Variants in UNC5B observed in about 807,000 individuals in gnomAD.
UNC5B encodes the protein unc-5 netrin receptor B, also known as netrin receptor UNC5B.
A neutral mutation model predicts 103.7 loss-of-function variants in UNC5B; 56 were observed. That is an observed-to-expected ratio of 0.54 (90% CI 0.44 to 0.67). The LOEUF is 0.67. Among genes scored for constraint, UNC5B ranks in the 30% least tolerant of loss-of-function variants. The pLI, the probability that UNC5B is intolerant of heterozygous loss-of-function variation, is 0.00. For missense variants in UNC5B, 1,194 were observed against 1,284.5 expected, an observed-to-expected ratio of 0.93 and a Z score of 1.08; for synonymous variants, 577 against 542.0, an observed-to-expected ratio of 1.06 and a Z score of -0.90.
intron 1 of UNC5B, among the ~76,000 whole-genome samples, chr10:71,269,746 A>C (rs1306277174): frequency 2.0e-5 from 3 of 152,084 alleles, no homozygotes; most frequent in African/African-American, 7.2e-5. Flanking sequence ...GCAAGCTTAC[A>C]AACACATACA....
chr10:71,286,940 G>A, intron 5 of UNC5B, 71 bp downstream of exon 5: 3 of 1,566,522 alleles, frequency 1.9e-6, no homozygotes, highest in South Asian at 2.4e-5. Flanking sequence ...GGGTAGGGGG[G>A]ACCCCTGGAT....
Position 71,299,773 on chromosome 10 carries a change from A to G in UNC5B, c.*496A>G, listed in dbSNP as rs1389554141. On this transcript the variant is annotated 3_prime_UTR_variant, in exon 17 of 17. Transcript: ENST00000335350. ...AAACTGCTTTCTCCTGTCCAAAAGC[A>G]AAAAGGCAAAGGAAAGAAAGAAAGC... 1 of 152,790 alleles carries G rather than the reference A, an allele frequency of 6.5e-6. No homozygotes were observed. The highest frequency in any genetic ancestry group is 1.5e-5 in the Non-Finnish European group (1 of 68,432). 9.5% of individuals were successfully genotyped at this position (152,790 alleles called of 1,614,324 possible).
At chr10:71,251,253 G>A (rs7078748) in intron 1 of UNC5B, among the ~76,000 whole-genome samples, 66,893 of 152,006 alleles carry the variant, frequency 0.44, 15,030 homozygotes, top group Middle Eastern at 0.5. Context: ...GGTAAGGAAG[G>A]TAGAATCTTC....
intron 1 of UNC5B, among the ~76,000 whole-genome samples, chr10:71,252,081 G>A (rs1035108410): frequency 1.3e-5 from 2 of 152,206 alleles, no homozygotes; most frequent in East Asian, 3.8e-4. Context: ...CCAAATGCCT[G>A]TGCTTTAAAA....
At chr10:71,281,911 C>T (rs553907351) in intron 2 of UNC5B, among the ~76,000 whole-genome samples, 31 of 152,326 alleles carry the variant, frequency 2.0e-4, no homozygotes, top group African/African-American at 7.0e-4. Flanking sequence ...TTCTCTCAAA[C>T]GGTCCTTACC....
At position 71,291,817 on chromosome 10, in the gene UNC5B, C is replaced by T. The variant is rs1845272628; in HGVS notation, c.1680C>T (p.Gly560=). Residue 560 remains glycine (G), a synonymous_variant, in exon 10 of 17, where the codon GGC becomes GGT. Transcript: ENST00000335350. ...GCLGGRLSIP[G]TGVSLLVPNG... ...TGGGTGGGAGGCTCAGCATCCCCGG[C>T]ACAGGTGAGCCCCTGCCCTGCTTGT... The T allele has an allele frequency of 6.3e-7, 1 of 1,592,826 alleles. No homozygotes were observed. The highest frequency in any genetic ancestry group is 8.5e-7 in the Non-Finnish European group (1 of 1,175,122).
At chr10:71,243,987 T>C (rs1227482007) in intron 1 of UNC5B, among the ~76,000 whole-genome samples, 1 of 152,200 alleles carries the variant, frequency 6.6e-6, no homozygotes, top group Non-Finnish European at 1.5e-5. Flanking sequence ...AGCTGGTGTG[T>C]GGTAGTGCCA....
intron 1 of UNC5B, among the ~76,000 whole-genome samples, chr10:71,229,721 A>T (rs1035154351): frequency 1.3e-5 from 2 of 151,904 alleles, no homozygotes; most frequent in African/African-American, 4.8e-5. Flanking sequence ...CCTTCTAGGG[A>T]GTTGTTGTGC....
chr10:71,294,306 A>T (rs1288874860), intron 13 of UNC5B, among the ~76,000 whole-genome samples: 3 of 152,348 alleles, frequency 2.0e-5, no homozygotes, highest in South Asian at 2.1e-4. Context: ...ACTGCGTTTC[A>T]TAAGCGTTTC....
At chr10:71,227,945 G>T (rs1843608183) in intron 1 of UNC5B, among the ~76,000 whole-genome samples, 1 of 152,136 alleles carries the variant, frequency 6.6e-6, no homozygotes, top group Non-Finnish European at 1.5e-5. Flanking sequence ...AACTATTCCT[G>T]CCAGATAGTA....
chr10:71,262,723 T>C (rs919295787), intron 1 of UNC5B, among the ~76,000 whole-genome samples: 3 of 152,136 alleles, frequency 2.0e-5, no homozygotes, highest in Non-Finnish European at 4.4e-5. Context: ...TCATGAGCCT[T>C]GATTACCCTC....
intron 1 of UNC5B, among the ~76,000 whole-genome samples, chr10:71,234,151 C>T (rs1340206517): frequency 2.0e-5 from 3 of 152,032 alleles, no homozygotes; most frequent in Admixed American, 6.5e-5. Context: ...AAATTAACCT[C>T]GGGGGTGGGG....
chr10:71,216,219 T>C (rs914035553), intron 1 of UNC5B, among the ~76,000 whole-genome samples: 2 of 152,206 alleles, frequency 1.3e-5, no homozygotes, highest in South Asian at 4.1e-4. Context: ...CTTCATTCCA[T>C]CTGGGCTGGA....
At chr10:71,220,319 C>T (rs1264704168) in intron 1 of UNC5B, among the ~76,000 whole-genome samples, 1 of 152,140 alleles carries the variant, frequency 6.6e-6, no homozygotes, top group Non-Finnish European at 1.5e-5. Flanking sequence ...TACTTTCTGC[C>T]CTGCCCCCAC....
chr10:71,295,905 C>A lies in UNC5B; in HGVS notation c.2270C>A (p.Ser757Tyr), dbSNP rs990753477. ...GACAGTTACCACAACCTGCGCCTCT[C>A]CCTCCATGACCTCCCCCATGCCCAT... The part of the protein sequence containing the change: ...FKDSYHNLRL[S>Y]LHDLPHAHWR... Residue 757 changes from serine to tyrosine, a missense_variant, in exon 14 of 17, where the codon TCC (serine) becomes TAC (tyrosine). Physicochemically the swap from Ser to Tyr is moderately radical, Grantham distance 144. Transcript: ENST00000335350. 14 of 1,613,350 alleles carry A rather than the reference C, an allele frequency of 8.7e-6. No individual in the cohort carries two copies. The highest frequency in any genetic ancestry group is 1.2e-5 in the Non-Finnish European group (14 of 1,180,036).
intron 1 of UNC5B, among the ~76,000 whole-genome samples, chr10:71,259,403 GAA>G (rs1435324182): frequency 6.6e-6 from 1 of 150,584 alleles, no homozygotes; most frequent in African/African-American, 2.5e-5. Flanking sequence ...AAAAAAAAAG[GAA>G]AAGAGAAAAA....
At position 71,291,726 on chromosome 10, in the gene UNC5B, G is replaced by T; in HGVS notation, c.1589G>T (p.Gly530Val). The T allele has an allele frequency of 6.2e-7, 1 of 1,612,124 alleles. No individual in the cohort carries two copies. Residue 530 changes from glycine (G) to valine (V), a missense_variant, in exon 10 of 17, where the codon GGT becomes GTT. Gly to Val is a moderately radical substitution (Grantham distance 109, BLOSUM62 -3). Transcript: ENST00000335350. ...HFLHLRSASL[G>V]SQQLLGLPRD... The stretch of plus-strand genomic sequence containing the variant: ...CTGCACCTGCGCAGCGCCAGCCTCG[G>T]TTCCCAGCAGCTCTTGGGCCTGCCC...
At chr10:71,224,364 G>GACACACACACACCCACAC (rs1843515742) in intron 1 of UNC5B, among the ~76,000 whole-genome samples, 1 of 97,278 alleles carries the variant, frequency 1.0e-5, no homozygotes, top group African/African-American at 3.8e-5. Context: ...TCTGTATGTA[G>GACACACACACACCCACAC]ACACACACAC....
Position 71,288,991 on chromosome 10 carries a change from G to A in UNC5B, c.1099+1G>A, listed in dbSNP as rs374369342. On this transcript the variant is annotated splice_donor_variant, in intron 8 of 16. Transcript: ENST00000335350. LOFTEE classifies it high-confidence loss of function. ...ACTCTAAGCGACCCCAACAGCCACC[G>A]TAAGTCCCATTTCATGGCTGTCCTC... 89 of 1,614,122 alleles carry A rather than the reference G, an allele frequency of 5.5e-5. No homozygotes were observed. Among genetic ancestry groups the A allele is most frequent in the South Asian group, 1.8e-4 (16 of 91,080 alleles).
Sources: gnomAD v4.1 joint callset for allele counts (sites outside exome capture counted in the v4.1 genomes callset) on GRCh38, gnomAD v4.1.1 for gene constraint, MANE v1.5 for transcripts, NCBI Gene and HGNC (gene_info 2026-07-23, HGNC 2026-07-21) for gene names.